CNTNAP3B: variants seen among roughly 807,000 people sequenced by gnomAD.
CNTNAP3B encodes the protein contactin-associated protein-like 3B.
In CNTNAP3B, 25 loss-of-function variants were observed where a neutral mutation model predicts 108.9. The ratio of observed to expected loss-of-function variants is 0.23; its 90% CI spans 0.17 to 0.32. CNTNAP3B has a LOEUF of 0.32. Among genes scored for constraint, CNTNAP3B ranks in the 10% least tolerant of loss-of-function variants. The pLI, the probability that CNTNAP3B is intolerant of heterozygous loss-of-function variation, is 1.00. For missense variants in CNTNAP3B, 252 were observed against 1,210.4 expected (o/e 0.21, Z 11.75); for synonymous variants, 103 against 473.4 (o/e 0.22, Z 10.16).
At chr9:42,036,063 G>A (rs567928561) in intron 3 of CNTNAP3B, among the ~76,000 whole-genome samples, 13 of 149,186 alleles carry the variant, frequency 8.7e-5, no homozygotes, top group African/African-American at 2.3e-4. Context: ...AGCCAAGATC[G>A]CACCACTGCA....
At chr9:42,042,398 A>C (rs1826779223) in intron 3 of CNTNAP3B, among the ~76,000 whole-genome samples, 1 of 139,196 alleles carries the variant, frequency 7.2e-6, no homozygotes, top group Admixed American at 7.2e-5. Context: ...TCTCTATTTC[A>C]GAATAACTTT....
At chr9:41,916,688 T>C (rs1232612316) in intron 18 of CNTNAP3B, among the ~76,000 whole-genome samples, 5 of 145,594 alleles carry the variant, frequency 3.4e-5, no homozygotes, top group Admixed American at 2.7e-4. Context: ...TCCATCACCT[T>C]AAACATTTAT....
chr9:41,966,162 C>T (rs1825267177), intron 10 of CNTNAP3B, among the ~76,000 whole-genome samples: 1 of 152,304 alleles, frequency 6.6e-6, no homozygotes, highest in African/African-American at 2.4e-5. Flanking sequence ...AAAAGAGCAG[C>T]TGTTCCTCTT....
intron 13 of CNTNAP3B, among the ~76,000 whole-genome samples, chr9:41,940,688 G>C (rs1465446382): frequency 6.6e-6 from 1 of 152,144 alleles, no homozygotes; most frequent in African/African-American, 2.4e-5. Context: ...AGCGGCGGGA[G>C]CCTGTAGTCC....
chr9:41,959,643 GTTTC>G (rs1408103923), intron 12 of CNTNAP3B, among the ~76,000 whole-genome samples: 1 of 152,312 alleles, frequency 6.6e-6, no homozygotes, highest in Non-Finnish European at 1.5e-5. Flanking sequence ...GAACGCCTGT[GTTTC>G]TTTATCTTCA....
At chr9:42,056,356 A>AT (rs1284701319) in intron 3 of CNTNAP3B, among the ~76,000 whole-genome samples, 7 of 138,748 alleles carry the variant, frequency 5.0e-5, no homozygotes, top group African/African-American at 1.9e-4. Flanking sequence ...TATTATTATT[A>AT]TTATTATTAT....
At chr9:41,943,305 A>G (rs1190326630) in intron 13 of CNTNAP3B, among the ~76,000 whole-genome samples, 1 of 152,230 alleles carries the variant, frequency 6.6e-6, no homozygotes, top group Admixed American at 6.5e-5. Context: ...AGAGAAAAAG[A>G]ATGAAAAATG....
chr9:41,945,451 T>C (rs961053459), intron 13 of CNTNAP3B, among the ~76,000 whole-genome samples: 6 of 152,412 alleles, frequency 3.9e-5, no homozygotes, highest in Non-Finnish European at 7.3e-5. Flanking sequence ...AAAGGATGAG[T>C]TCATGTCCTT....
rs1827836072 is a variant in CNTNAP3B, at chr9:42,093,125, GCGGA to G, written c.196+11500_196+11503del. On this transcript the variant is annotated intron_variant, in intron 2 of 23. Coordinates refer to ENST00000377561, the MANE Select transcript of CNTNAP3B (RefSeq NM_001201380.3). The stretch of plus-strand genomic sequence containing the variant: ...ACTTTGGGAGGCCAAGGTGGCCGAG[GCGGA>G]TCACGAGGTCAGGAGTTGAGCCTGG... Among the ~76,000 whole-genome samples the G allele has an allele frequency of 7.2e-5, 7 of 96,848 alleles. 2 individuals are homozygous for G. In the South Asian group the frequency reaches 2.2e-3, roughly 31 times the overall value. 63.5% of individuals were successfully genotyped at this position (96,848 alleles called of 152,430 possible).
intron 15 of CNTNAP3B, among the ~76,000 whole-genome samples, chr9:41,924,657 A>ACG (rs1823761244): frequency 1.5e-5 from 1 of 66,878 alleles, no homozygotes; most frequent in Non-Finnish European, 3.6e-5. Context: ...ACACACACAC[A>ACG]CACACACACA....
intron 12 of CNTNAP3B, among the ~76,000 whole-genome samples, chr9:41,956,348 T>C (rs1824858562): frequency 6.6e-6 from 1 of 152,102 alleles, no homozygotes; most frequent in Non-Finnish European, 1.5e-5. Context: ...ATCGTGCCAC[T>C]GTACTCCAGC....
chr9:41,935,675 T>C lies in CNTNAP3B; in HGVS notation c.2237+2569A>G, dbSNP rs529364562. ...CAAGAGTTGGGTTAGGATTTCAGAA[T>C]GCTTGTGGTCTTACTGTTGGATAGA... On this transcript the variant is annotated intron_variant, in intron 14 of 23. Coordinates refer to ENST00000377561, the MANE Select transcript of CNTNAP3B (RefSeq NM_001201380.3). 7.9e-5 allele frequency among the ~76,000 whole-genome samples: 12 copies of C among 152,382 alleles called. No homozygotes were observed. The East Asian group carries it at 1.7e-3, about 22-fold the overall frequency.
chr9:42,042,526 C>T (rs1454857386), intron 3 of CNTNAP3B, among the ~76,000 whole-genome samples: 1 of 137,814 alleles, frequency 7.3e-6, no homozygotes, highest in Non-Finnish European at 1.5e-5. Context: ...TGAACATGCA[C>T]AACCATTTTT....
At chr9:42,099,117 G>C (rs58734780) in intron 2 of CNTNAP3B, among the ~76,000 whole-genome samples, 49,869 of 122,378 alleles carry the variant, frequency 0.41, 13,763 homozygotes, top group East Asian at 0.65. Context: ...TAAACACAAT[G>C]CTCATTCACT....
At chr9:41,934,112 TATATATATATAC>T (rs1272325386) in intron 14 of CNTNAP3B, among the ~76,000 whole-genome samples, 48 of 126,330 alleles carry the variant, frequency 3.8e-4, no homozygotes, top group African/African-American at 6.3e-4. Flanking sequence ...TATATATATA[TATATATATATAC>T]ACACACATAT....
intron 3 of CNTNAP3B, among the ~76,000 whole-genome samples, chr9:42,035,683 G>A (rs1278136231): frequency 6.6e-6 from 1 of 150,876 alleles, no homozygotes; most frequent in Non-Finnish European, 1.5e-5. Flanking sequence ...TTAGAGACAG[G>A]GTTTCATTCT....
At chr9:41,963,869 G>T (rs1413849323) in intron 11 of CNTNAP3B, among the ~76,000 whole-genome samples, 13 of 152,306 alleles carry the variant, frequency 8.5e-5, no homozygotes, top group Non-Finnish European at 2.9e-5. Context: ...TCTTCCAGCT[G>T]CTTTAGGGTT....
At chr9:42,112,667 A>G (rs1828217625) in intron 1 of CNTNAP3B, among the ~76,000 whole-genome samples, 1 of 136,782 alleles carries the variant, frequency 7.3e-6, no homozygotes, top group Non-Finnish European at 1.6e-5. Flanking sequence ...CTTCCAGATG[A>G]CATTTTGACT....
chr9:42,029,925 G>A (rs1197753431), intron 3 of CNTNAP3B, among the ~76,000 whole-genome samples: 1 of 29,068 alleles, frequency 3.4e-5, no homozygotes, highest in African/African-American at 1.1e-4. Context: ...GGTGGATCAC[G>A]AGGTCAGGAG....
Sources: allele counts gnomAD v4.1 joint callset (sites outside exome capture counted in the v4.1 genomes callset), GRCh38; gene constraint gnomAD v4.1.1; transcripts MANE v1.5; gene names NCBI Gene and HGNC (gene_info 2026-07-23, HGNC 2026-07-21).